SAMD4A: variants seen among roughly 807,000 people sequenced by gnomAD.
SAMD4A encodes protein Smaug homolog 1.
A neutral mutation model predicts 81.3 loss-of-function variants in SAMD4A; 33 were observed. The observed-to-expected ratio is 0.41, with a 90% CI of 0.31 to 0.54. The LOEUF (loss-of-function observed/expected upper bound fraction) is 0.54. SAMD4A is among the 20% of genes least tolerant of loss of function. The pLI, the probability that SAMD4A is intolerant of heterozygous loss-of-function variation, is 0.37. For synonymous variants in SAMD4A, 389 were observed against 382.1 expected (o/e 1.02, Z -0.21); for missense variants, 854 against 951.1 (o/e 0.90, Z 1.34).
intron 2 of SAMD4A, among the ~76,000 whole-genome samples, chr14:54,582,188 G>A (rs2033486848): frequency 6.6e-6 from 1 of 151,968 alleles, no homozygotes; most frequent in Non-Finnish European, 1.5e-5. Flanking sequence ...TGTGGCATAT[G>A]TATGTTTAGT....
chr14:54,773,816 A>G (rs1302219336), intron 9 of SAMD4A, among the ~76,000 whole-genome samples: 1 of 152,254 alleles, frequency 6.6e-6, no homozygotes, highest in Non-Finnish European at 1.5e-5. Flanking sequence ...TCATGATGGC[A>G]GAGACTCATT....
At position 54,789,339 on chromosome 14, in the gene SAMD4A, G is replaced by A. The variant is rs560075759; in HGVS notation, c.*395G>A. The A allele has an allele frequency of 1.3e-5, 3 of 224,602 alleles. No individual in the cohort carries two copies. The highest frequency in any genetic ancestry group is 8.6e-5 in the South Asian group (1 of 11,692). The allele number at this position is 224,602 out of a possible 1,614,324, so 13.9% of individuals were successfully genotyped here. A position where few individuals can be genotyped will look rare whatever the true frequency, so the allele number is the denominator to read the frequency against. ...AGCCCTGGCCCTGGGGAGGCTTCTC[G>A]GAAGGCCTGGCTTCACAGGCAGGCC... On this transcript the variant is annotated 3_prime_UTR_variant, in exon 13 of 13. Transcript: ENST00000554335.
At position 54,792,037 on chromosome 14, in the gene SAMD4A, T is replaced by C. The variant is rs1003075580; in HGVS notation, c.*3093T>C. On this transcript the variant is annotated 3_prime_UTR_variant, in exon 13 of 13. Coordinates refer to ENST00000554335, the MANE Select transcript of SAMD4A (RefSeq NM_015589.6). The stretch of plus-strand genomic sequence containing the variant: ...GGGACAGTGGTGTTCTACAATATTA[T>C]CATGTATGATGTTTTATTGGTGCTT... 5.3e-5 allele frequency: 8 copies of C among 152,252 alleles called. No individual in the cohort carries two copies. Among genetic ancestry groups the C allele is most frequent in the African/African-American group, 1.9e-4 (8 of 41,464 alleles). The allele number at this position is 152,252 out of a possible 1,614,324, so 9.4% of individuals were successfully genotyped here.
intron 6 of SAMD4A, among the ~76,000 whole-genome samples, chr14:54,752,753 C>T (rs971677683): frequency 1.3e-5 from 2 of 152,244 alleles, no homozygotes; most frequent in Middle Eastern, 3.4e-3. Context: ...GGACCTGCAC[C>T]GGCACCGGTC....
chr14:54,584,461 C>T (rs896826055), intron 2 of SAMD4A, among the ~76,000 whole-genome samples: 5 of 152,122 alleles, frequency 3.3e-5, no homozygotes, highest in African/African-American at 7.2e-5. Flanking sequence ...TCAGATTAAC[C>T]CCTTAGACTT....
At chr14:54,584,146 C>G (rs2033551650) in intron 2 of SAMD4A, among the ~76,000 whole-genome samples, 1 of 152,152 alleles carries the variant, frequency 6.6e-6, no homozygotes, top group Non-Finnish European at 1.5e-5. Context: ...AAAGATGGTT[C>G]TATACATGTA....
At position 54,597,584 on chromosome 14, in the gene SAMD4A, C is replaced by CTTTT. The variant is rs71127662; in HGVS notation, c.196+29492_196+29495dup. On this transcript the variant is annotated intron_variant, in intron 2 of 12. Transcript: ENST00000554335. Reference sequence around the variant, plus strand: ...CACCGCACCCGGCCTTTCCTTCTATCTTTTTTTTTTTTTTTTTTTTTTTGA... The same window carrying CTTTT: ...CACCGCACCCGGCCTTTCCTTCTATCTTTTTTTTTTTTTTTTTTTTTTTTTTTGA... Among the ~76,000 whole-genome samples the CTTTT allele has an allele frequency of 1.6e-3, 141 of 90,804 alleles. 5 individuals are homozygous for CTTTT. In the East Asian group the frequency reaches 0.016, roughly 10 times the overall value. The allele number at this position is 90,804 out of a possible 152,430, so 59.6% of individuals were successfully genotyped here. A position where few individuals can be genotyped will look rare whatever the true frequency, so the allele number is the denominator to read the frequency against.
intron 2 of SAMD4A, among the ~76,000 whole-genome samples, chr14:54,695,299 C>T (rs1291582140): frequency 3.9e-5 from 6 of 152,192 alleles, no homozygotes; most frequent in Non-Finnish European, 8.8e-5. Context: ...TCCAACAAAG[C>T]TGTAGTCAAG....
At chr14:54,625,533 G>A (rs967261486) in intron 2 of SAMD4A, among the ~76,000 whole-genome samples, 23 of 152,194 alleles carry the variant, frequency 1.5e-4, no homozygotes, top group Admixed American at 3.3e-4. Context: ...GGTGGGGCTT[G>A]TTTATTGACA....
chr14:54,702,652 C>T (rs1456484862), intron 3 of SAMD4A, 72 bp downstream of exon 3: 1 of 1,530,632 alleles, frequency 6.5e-7, no homozygotes, highest in Non-Finnish European at 8.9e-7. Flanking sequence ...GTCCTGCTGA[C>T]AGTGTCTGCT....
At chr14:54,709,824 A>G (rs1464027916) in intron 3 of SAMD4A, among the ~76,000 whole-genome samples, 1 of 152,172 alleles carries the variant, frequency 6.6e-6, no homozygotes, top group African/African-American at 2.4e-5. Flanking sequence ...CTTCCTGTCT[A>G]AGGTCTGTTA....
chr14:54,653,085 T>G (rs1192085471), intron 2 of SAMD4A, among the ~76,000 whole-genome samples: 1 of 151,918 alleles, frequency 6.6e-6, no homozygotes, highest in East Asian at 1.9e-4. Flanking sequence ...TTCTGGCCTT[T>G]GCTTTTTCTA....
chr14:54,671,685 T>G (rs1458484439), intron 2 of SAMD4A, among the ~76,000 whole-genome samples: 1 of 152,192 alleles, frequency 6.6e-6, no homozygotes, highest in Admixed American at 6.5e-5. Context: ...AATTCTGTAG[T>G]GGGTGTGTGT....
At chr14:54,767,179 G>A (rs961948168) in intron 8 of SAMD4A, among the ~76,000 whole-genome samples, 3 of 152,188 alleles carry the variant, frequency 2.0e-5, no homozygotes, top group African/African-American at 4.8e-5. Flanking sequence ...CACAGCCTCC[G>A]GTTATTCTGT....
In SAMD4A at chr14:54,603,810, G is replaced by A. The variant is rs189863471; in HGVS notation, c.196+35698G>A. ...CATTATTTTATTTGTTTGTTTGTTT[G>A]TTTATTTGTTTATTTGTTTATTTAT... On this transcript the variant is annotated intron_variant, in intron 2 of 12. Transcript: ENST00000554335. Among the ~76,000 whole-genome samples the A allele has an allele frequency of 1.3e-4, 19 of 147,922 alleles. No homozygotes were observed. The East Asian group carries it at 1.7e-3, about 14-fold the overall frequency.
chr14:54,749,163 A>G (rs1193286975), intron 5 of SAMD4A, among the ~76,000 whole-genome samples: 2 of 152,166 alleles, frequency 1.3e-5, no homozygotes, highest in Non-Finnish European at 2.9e-5. Flanking sequence ...GGGTGAGATC[A>G]AGTGGTGTGA....
chr14:54,566,581 C>G (rs923819557), upstream of SAMD4A, among the ~76,000 whole-genome samples: 17 of 151,858 alleles, frequency 1.1e-4, no homozygotes, highest in African/African-American at 4.1e-4. Flanking sequence ...TCCGCATTCC[C>G]CGCGGGGCCG....
intron 2 of SAMD4A, among the ~76,000 whole-genome samples, chr14:54,676,463 G>A (rs1012609335): frequency 2.0e-5 from 3 of 151,956 alleles, no homozygotes; most frequent in African/African-American, 4.8e-5. Context: ...TGTAACCTCC[G>A]CCTCCCAAGT....
intron 11 of SAMD4A, among the ~76,000 whole-genome samples, chr14:54,778,764 A>G (rs1594935926): frequency 6.6e-6 from 1 of 152,220 alleles, no homozygotes; most frequent in African/African-American, 2.4e-5. Context: ...AACGCTGGAC[A>G]GGAGCCACTC....
Sources: allele counts gnomAD v4.1 joint callset (sites outside exome capture counted in the v4.1 genomes callset), GRCh38; gene constraint gnomAD v4.1.1; transcripts MANE v1.5; gene names NCBI Gene and HGNC (gene_info 2026-07-23, HGNC 2026-07-21).